FAM83B: variants seen among roughly 807,000 people sequenced by gnomAD.
FAM83B encodes the protein protein FAM83B.
A neutral mutation model predicts 38.8 loss-of-function variants in FAM83B; 26 were observed. The ratio of observed to expected loss-of-function variants is 0.67; its 90% CI spans 0.49 to 0.93. The LOEUF (loss-of-function observed/expected upper bound fraction) is 0.93, where lower values mean the gene tolerates loss of function less well. FAM83B is among the 40% of genes least tolerant of loss of function. The probability of loss-of-function intolerance (pLI) is 0.00; values close to 1 mark genes in which losing one functional copy is unlikely to be tolerated. For synonymous variants in FAM83B, 419 were observed against 423.1 expected (o/e 0.99, Z 0.12); for missense variants, 1,237 against 1,197.3 (o/e 1.03, Z -0.49).
In FAM83B at chr6:54,870,270, C is replaced by G. The variant is rs1276556360; in HGVS notation, c.24C>G (p.Ser8=). The G allele has an allele frequency of 6.2e-7, 1 of 1,613,574 alleles. No individual in the cohort carries two copies. The highest frequency in any genetic ancestry group is 1.1e-5 in the South Asian group (1 of 91,058). The stretch of plus-strand genomic sequence containing the variant: ...GCATGGAGACCTCATCAATGCTTTC[C>G]TCATTGAATGATGAGTGTAAATCTG... METSSML[S]SLNDECKSDN... The change falls in exon 2 of 5, where the codon TCC becomes TCG. Residue 8 remains serine (S), a synonymous_variant. Coordinates refer to ENST00000306858, the MANE Select transcript of FAM83B (RefSeq NM_001010872.3).
At chr6:54,892,522 A>G (rs1772429723) in intron 2 of FAM83B, among the ~76,000 whole-genome samples, 2 of 151,642 alleles carry the variant, frequency 1.3e-5, no homozygotes, top group Admixed American at 6.6e-5. Context: ...AACATGTGGT[A>G]TTTAGTTTTC....
At chr6:54,873,838 T>G (rs1392323205) in intron 2 of FAM83B, among the ~76,000 whole-genome samples, 1 of 152,064 alleles carries the variant, frequency 6.6e-6, no homozygotes, top group Non-Finnish European at 1.5e-5. Context: ...AGAATTTAAA[T>G]CCATTTTCAC....
intron 4 of FAM83B, among the ~76,000 whole-genome samples, chr6:54,937,828 T>TG (rs1314524833): frequency 6.6e-6 from 1 of 152,174 alleles, no homozygotes; most frequent in Non-Finnish European, 1.5e-5. Context: ...CCACGAAGTT[T>TG]TGACACAGAT....
intron 2 of FAM83B, 117 bp downstream of exon 2, chr6:54,870,807 TG>T: frequency 1.9e-6 from 2 of 1,029,486 alleles, no homozygotes; most frequent in Non-Finnish European, 2.7e-6. Context: ...CCATGCCTAT[TG>T]TTTTTAGGAA....
intron 2 of FAM83B, among the ~76,000 whole-genome samples, chr6:54,883,153 C>T (rs985846128): frequency 6.6e-6 from 1 of 151,934 alleles, no homozygotes; most frequent in Non-Finnish European, 1.5e-5. Context: ...CCGTGTTAGC[C>T]AGGATGGTCT....
At chr6:54,888,953 A>G (rs1056952509) in intron 2 of FAM83B, among the ~76,000 whole-genome samples, 5 of 151,772 alleles carry the variant, frequency 3.3e-5, no homozygotes, top group African/African-American at 9.7e-5. Flanking sequence ...TGTGTTTTTT[A>G]TAATTTTCTC....
Position 54,870,425 on chromosome 6 carries a change from A to T in FAM83B, c.179A>T (p.Glu60Val), listed in dbSNP as rs1373167891. 1.2e-6 allele frequency: 2 copies of T among 1,614,078 alleles called. No homozygotes were observed. Among genetic ancestry groups the T allele is most frequent in the Admixed American group, 3.3e-5 (2 of 60,000 alleles). ...GTTTCAGACTTTCTTGCTGAGGAAG[A>T]AATTAATTATATTTTGAAAAATGTC... ...ERVSDFLAEE[E>V]INYILKNVQK... is the part of the protein sequence containing the mutation. Residue 60 changes from glutamate (E) to valine (V), a missense_variant, in exon 2 of 5, where the codon GAA (glutamate) becomes GTA (valine). Glu to Val is a moderately radical substitution (Grantham distance 121). Coordinates refer to ENST00000306858, the MANE Select transcript of FAM83B (RefSeq NM_001010872.3).
intron 2 of FAM83B, among the ~76,000 whole-genome samples, chr6:54,902,478 A>C (rs1772681325): frequency 6.6e-6 from 1 of 152,148 alleles, no homozygotes; most frequent in Non-Finnish European, 1.5e-5. Flanking sequence ...GGAATTGTGC[A>C]GGTGTCATGA....
chr6:54,905,028 G>T lies in FAM83B; in HGVS notation c.445-21343G>T, dbSNP rs554278375. Among the ~76,000 whole-genome samples, 170 of 152,146 alleles carry T rather than the reference G, an allele frequency of 1.1e-3. 1 individual carries two copies. Among genetic ancestry groups the T allele is most frequent in the African/African-American group, 3.8e-3 (156 of 41,564 alleles). ...ATTGGCAGAGGTAGTAGCAATGGTG[G>T]TTAAGGCAGGACCTGGAGTAGGTGG... On this transcript the variant is annotated intron_variant, in intron 2 of 4. Transcript: ENST00000306858.
intron 2 of FAM83B, among the ~76,000 whole-genome samples, chr6:54,908,149 A>T (rs967940807): frequency 9.2e-5 from 12 of 130,536 alleles, no homozygotes; most frequent in African/African-American, 3.6e-4. Flanking sequence ...AAAAAAAAAA[A>T]GTCTAGCAAT....
intron 2 of FAM83B, among the ~76,000 whole-genome samples, chr6:54,901,466 T>A (rs1772659330): frequency 6.6e-6 from 1 of 152,190 alleles, no homozygotes; most frequent in South Asian, 2.1e-4. Flanking sequence ...TTTTCTGTCA[T>A]GAGATAATAT....
chr6:54,913,249 G>GA (rs1229172021), intron 2 of FAM83B, among the ~76,000 whole-genome samples: 1 of 151,994 alleles, frequency 6.6e-6, no homozygotes, highest in East Asian at 1.9e-4. Flanking sequence ...TGAGAAATGT[G>GA]AAACACCTCA....
upstream of FAM83B, among the ~76,000 whole-genome samples, chr6:54,846,484 C>T (rs1265111871): frequency 6.6e-6 from 1 of 152,212 alleles, no homozygotes; most frequent in African/African-American, 2.4e-5. Context: ...GCCCCGTAGC[C>T]CCGAGGGCGG....
At chr6:54,919,065 A>G (rs2127586663) in intron 2 of FAM83B, among the ~76,000 whole-genome samples, 1 of 152,250 alleles carries the variant, frequency 6.6e-6, no homozygotes, top group East Asian at 1.9e-4. Flanking sequence ...CAAGTTTCAA[A>G]AAAAGTAACT....
intron 2 of FAM83B, among the ~76,000 whole-genome samples, chr6:54,879,442 C>T (rs867453127): frequency 9.2e-5 from 14 of 152,246 alleles, no homozygotes; most frequent in Middle Eastern, 3.4e-3. Flanking sequence ...GCAATTATTT[C>T]GCAATTCCTT....
chr6:54,854,776 A>C (rs1581878718), intron 1 of FAM83B, among the ~76,000 whole-genome samples: 1 of 152,198 alleles, frequency 6.6e-6, no homozygotes, highest in South Asian at 2.1e-4. Flanking sequence ...TGTGAAAGTC[A>C]AATTTTATAT....
chr6:54,917,232 T>C (rs1339378512), intron 2 of FAM83B, among the ~76,000 whole-genome samples: 1 of 152,142 alleles, frequency 6.6e-6, no homozygotes, highest in Admixed American at 6.5e-5. Flanking sequence ...AATATATCAG[T>C]TATAACTACC....
chr6:54,898,257 G>A (rs1004133409), intron 2 of FAM83B, among the ~76,000 whole-genome samples: 1 of 152,012 alleles, frequency 6.6e-6, no homozygotes, highest in Non-Finnish European at 1.5e-5. Flanking sequence ...GCTCTTCTCC[G>A]TCCAATATGT....
In FAM83B at chr6:54,942,597, A is replaced by G. The variant is rs915644396; in HGVS notation, c.*590A>G. 2.0e-5 allele frequency among the ~76,000 whole-genome samples: 3 copies of G among 151,668 alleles called. No homozygotes were observed. The highest frequency in any genetic ancestry group is 2.0e-4 in the Admixed American group (3 of 15,192). On this transcript the variant is annotated 3_prime_UTR_variant, in exon 5 of 5. Coordinates refer to ENST00000306858, the MANE Select transcript of FAM83B (RefSeq NM_001010872.3). ...TTTCTGCCTGAAGTGTTTGCAAAGT[A>G]TCAGCCTCATGTAGTATAATGACAT...
Sources: allele counts gnomAD v4.1 joint callset (sites outside exome capture counted in the v4.1 genomes callset), GRCh38; gene constraint gnomAD v4.1.1; transcripts MANE v1.5; gene names NCBI Gene and HGNC (gene_info 2026-07-23, HGNC 2026-07-21).